The following TTC6 variants were observed in gnomAD, a reference collection of about 807,000 sequenced individuals.
TTC6 encodes tetratricopeptide repeat protein 6.
In TTC6, 172 loss-of-function variants were observed where a neutral mutation model predicts 210.4. The ratio of observed to expected loss-of-function variants is 0.82; its 90% CI spans 0.72 to 0.93. TTC6 has a LOEUF of 0.93. Ranked by LOEUF, TTC6 falls within the 40% of genes least tolerant of loss-of-function variation. TTC6 has a pLI of 0.00. For missense variants in TTC6, 2,414 were observed against 2,318.1 expected, an observed-to-expected ratio of 1.04 and a Z score of -0.85; for synonymous variants, 804 against 819.6, an observed-to-expected ratio of 0.98 and a Z score of 0.32.
chr14:37,669,505 A>G (rs2095754395), intron 1 of TTC6, among the ~76,000 whole-genome samples: 1 of 152,214 alleles, frequency 6.6e-6, no homozygotes, highest in Non-Finnish European at 1.5e-5. Context: ...TATTCTAAAT[A>G]TAATATTCCC....
intron 19 of TTC6, 70 bp from the exon 22 acceptor site, chr14:37,796,717 C>A (rs1331356375): frequency 1.5e-6 from 2 of 1,368,538 alleles, no homozygotes; most frequent in Non-Finnish European, 2.0e-6. Context: ...TGAATTACTC[C>A]CTTAGAATAA....
At chr14:37,631,940 C>T (rs773367683) in intron 1 of TTC6, among the ~76,000 whole-genome samples, 13 of 152,064 alleles carry the variant, frequency 8.5e-5, no homozygotes, top group Non-Finnish European at 1.2e-4. Context: ...ATGAAGTTCT[C>T]GTGTTATGTT....
At chr14:37,684,514 T>C (rs1440747369) in intron 3 of TTC6, among the ~76,000 whole-genome samples, 1 of 152,154 alleles carries the variant, frequency 6.6e-6, no homozygotes. Context: ...CAGAGTGACT[T>C]GGTGAATGGA....
At chr14:37,755,052 C>T (rs1275233389) in intron 14 of TTC6, among the ~76,000 whole-genome samples, 2 of 152,196 alleles carry the variant, frequency 1.3e-5, no homozygotes, top group East Asian at 3.9e-4. Context: ...TACTTCTCCA[C>T]ACCCTTTCCA....
chr14:37,797,191 C>T (rs560440902), intron 20 of TTC6, among the ~76,000 whole-genome samples: 7 of 151,940 alleles, frequency 4.6e-5, no homozygotes, highest in African/African-American at 1.7e-4. Flanking sequence ...TCAAGGAGTG[C>T]AATTGGTGGT....
rs937622109 is a variant in TTC6, at chr14:37,753,100, G to A, written c.3131G>A (p.Cys1044Tyr). ...ATGTACCTCCCGCTGTCCCTATAGT[G>A]TATTTTTTATGATCCCAAAAGAACA... The change falls in exon 14 of 31, where the codon TGT becomes TAT. Residue 1044 changes from cysteine to tyrosine, a missense_variant and splice_region_variant. Coordinates refer to ENST00000553443, the Ensembl canonical transcript of TTC6. 9.8e-6 allele frequency: 15 copies of A among 1,532,236 alleles called. No homozygotes were observed. In the African/African-American group the frequency reaches 1.8e-4, roughly 18 times the overall value. 94.9% of individuals were successfully genotyped at this position (1,532,236 alleles called of 1,614,324 possible). A position where few individuals can be genotyped will look rare whatever the true frequency, so the allele number is the denominator to read the frequency against.
intron 4 of TTC6, among the ~76,000 whole-genome samples, chr14:37,699,356 C>A (rs1313358952): frequency 6.6e-6 from 1 of 152,130 alleles, no homozygotes; most frequent in Admixed American, 6.5e-5. Context: ...GTATCCAGGA[C>A]AAAGTATAAA....
chr14:37,798,397 A>T (rs1595282709), intron 20 of TTC6, among the ~76,000 whole-genome samples: 1 of 120,856 alleles, frequency 8.3e-6, no homozygotes, highest in African/African-American at 2.8e-5. Context: ...GGGTATCTTT[A>T]AAAAAATTTG....
chr14:37,610,543 T>C (rs1329136219), intron 2 of TTC6, among the ~76,000 whole-genome samples: 2 of 152,146 alleles, frequency 1.3e-5, no homozygotes, highest in Non-Finnish European at 2.9e-5. Context: ...TTTTGAGCTT[T>C]TAAAAAATGG....
At chr14:37,817,264 G>T (rs1195308045) in intron 25 of TTC6, among the ~76,000 whole-genome samples, 1 of 152,158 alleles carries the variant, frequency 6.6e-6, no homozygotes, top group Non-Finnish European at 1.5e-5. Flanking sequence ...AAATGAGATA[G>T]ATACCTCATT....
intron 1 of TTC6, among the ~76,000 whole-genome samples, chr14:37,673,834 A>T (rs1463423171): frequency 6.6e-6 from 1 of 152,190 alleles, no homozygotes; most frequent in Admixed American, 6.5e-5. Flanking sequence ...AAACTGCTCT[A>T]TGAAACACAT....
At chr14:37,750,963 A>G (rs1453499804) in intron 12 of TTC6, 90 bp from the exon 15 acceptor site, 5 of 699,196 alleles carry the variant, frequency 7.2e-6, no homozygotes, top group Non-Finnish European at 1.1e-5. Context: ...TATTTTGACT[A>G]CATTTGTGGA....
At chr14:37,808,147 A>G (rs997173642) in intron 23 of TTC6, among the ~76,000 whole-genome samples, 1 of 152,058 alleles carries the variant, frequency 6.6e-6, no homozygotes, top group East Asian at 1.9e-4. Context: ...ATTTCTCTCT[A>G]CTTTTCTTTT....
intron 5 of TTC6, among the ~76,000 whole-genome samples, chr14:37,711,089 A>G (rs61977078): frequency 0.021 from 3,126 of 152,208 alleles, 59 homozygotes; most frequent in South Asian, 0.052. Flanking sequence ...TATGATACTA[A>G]TGATGCTCGA....
chr14:37,800,433 A>G (rs969426676), intron 20 of TTC6, among the ~76,000 whole-genome samples: 1 of 152,200 alleles, frequency 6.6e-6, no homozygotes, highest in Admixed American at 6.6e-5. Flanking sequence ...AACAAAGTCA[A>G]CCAGGACTTG....
intron 1 of TTC6, among the ~76,000 whole-genome samples, chr14:37,670,638 T>C (rs962231151): frequency 2.0e-5 from 3 of 151,796 alleles, no homozygotes; most frequent in Non-Finnish European, 2.9e-5. Context: ...GCCCGGCTAA[T>C]TTTTGTATTT....
intron 1 of TTC6, among the ~76,000 whole-genome samples, chr14:37,631,726 C>G (rs1326313154): frequency 6.6e-6 from 1 of 152,172 alleles, no homozygotes. Context: ...TGGTTCCATT[C>G]TCTCCGTCAC....
At chr14:37,637,796 G>A (rs530269260) in intron 1 of TTC6, among the ~76,000 whole-genome samples, 2 of 152,104 alleles carry the variant, frequency 1.3e-5, no homozygotes, top group African/African-American at 2.4e-5. Flanking sequence ...ACAACTACCA[G>A]AATGTCTAAA....
chr14:37,842,296 A>G (rs1566987013), exon 31 of TTC6: 2 of 1,593,332 alleles, frequency 1.3e-6, no homozygotes, highest in Non-Finnish European at 1.7e-6. Context: ...ATATGATTAC[A>G]TAGACTGTGG....
Sources: gnomAD v4.1 joint callset for allele counts (sites outside exome capture counted in the v4.1 genomes callset) on GRCh38, gnomAD v4.1.1 for gene constraint, MANE v1.5 for transcripts, NCBI Gene and HGNC (gene_info 2026-07-23, HGNC 2026-07-21) for gene names.